The following TACC2 variants were observed in gnomAD, a reference collection of about 807,000 sequenced individuals.
TACC2 encodes transforming acidic coiled-coil containing protein 2.
Under a neutral mutation model 227.3 loss-of-function variants are expected in TACC2, and 137 were observed. The observed-to-expected ratio is 0.60, with a 90% CI of 0.52 to 0.69. The LOEUF is 0.69. Ranked by LOEUF, TACC2 falls within the 30% of genes least tolerant of loss-of-function variation. The pLI, the probability that TACC2 is intolerant of heterozygous loss-of-function variation, is 0.00. For missense variants in TACC2, 3,470 were observed against 3,694.4 expected, an observed-to-expected ratio of 0.94 and a Z score of 1.57; for synonymous variants, 1,523 against 1,487.5, an observed-to-expected ratio of 1.02 and a Z score of -0.55.
intron 2 of TACC2, among the ~76,000 whole-genome samples, chr10:122,028,794 TCCCC>T (rs1958454373): frequency 2.6e-5 from 1 of 38,954 alleles, no homozygotes; most frequent in Non-Finnish European, 4.4e-5. Flanking sequence ...TCCCCTCCCC[TCCCC>T]TCCTCTCCCC....
chr10:122,057,405 C>T (rs959589499), intron 3 of TACC2, among the ~76,000 whole-genome samples: 4 of 151,940 alleles, frequency 2.6e-5, no homozygotes, highest in African/African-American at 4.8e-5. Flanking sequence ...TGGGTGTGGG[C>T]GGAAGAGGTG....
In TACC2 at chr10:122,194,116, G is replaced by C. The variant is rs1255299343; in HGVS notation, c.5835-924G>C. On this transcript the variant is annotated intron_variant, in intron 7 of 22. Transcript: ENST00000369005. The surrounding 1 kb of genome is among the most constrained non-coding windows in gnomAD (Gnocchi z 4.4). ...ATTTTTATCTTTTTATAGAAATAGG[G>C]CCTCACTGTGTTGCCCAGGCTGGTC... is the stretch of plus-strand genomic sequence containing the variant. Among the ~76,000 whole-genome samples the C allele has an allele frequency of 6.6e-6, 1 of 152,074 alleles. No homozygotes were observed. The highest frequency in any genetic ancestry group is 2.4e-5 in the African/African-American group (1 of 41,404).
At chr10:122,192,596 T>C (rs899210871) in intron 7 of TACC2, 3 of 426,414 alleles carry the variant, frequency 7.0e-6, no homozygotes, top group African/African-American at 4.0e-5. Flanking sequence ...TTTGGTGACA[T>C]TGAAAGAGAT....
At chr10:122,039,265 C>T (rs1189327632) in intron 2 of TACC2, among the ~76,000 whole-genome samples, 4 of 152,140 alleles carry the variant, frequency 2.6e-5, no homozygotes, top group Non-Finnish European at 5.9e-5. Flanking sequence ...TGTGAGCCAC[C>T]GTGCTGGCCT....
At chr10:122,164,165 A>G (rs552768754) in intron 7 of TACC2, among the ~76,000 whole-genome samples, 2 of 152,304 alleles carry the variant, frequency 1.3e-5, no homozygotes, top group South Asian at 4.1e-4. Context: ...AGCATCTGGT[A>G]GCCCCAAGTT....
intron 8 of TACC2, among the ~76,000 whole-genome samples, chr10:122,201,086 T>C (rs12778363): frequency 5.1e-3 from 639 of 126,486 alleles, no homozygotes; most frequent in East Asian, 0.013. Context: ...CCACCTCACC[T>C]GCCCACAGTG....
chr10:122,126,871 C>G (rs1360630409), intron 5 of TACC2: 1 of 152,278 alleles, frequency 6.6e-6, no homozygotes, highest in Non-Finnish European at 1.5e-5. Flanking sequence ...ATGTTTGTAT[C>G]CCTCTCAGCC....
At chr10:122,052,700 A>C (rs1374348399) in intron 3 of TACC2, 1 of 149,902 alleles carries the variant, frequency 6.7e-6, no homozygotes, top group Non-Finnish European at 1.5e-5. Context: ...AAAAAAAAAC[A>C]AACAGGTGCC....
At chr10:122,199,946 C>G (rs1486936602) in intron 8 of TACC2, among the ~76,000 whole-genome samples, 1 of 152,210 alleles carries the variant, frequency 6.6e-6, no homozygotes, top group East Asian at 1.9e-4. Flanking sequence ...CCCCCATGAG[C>G]TCATCACCTC....
intron 3 of TACC2, among the ~76,000 whole-genome samples, chr10:122,058,331 C>T (rs1351939722): frequency 2.6e-5 from 4 of 152,146 alleles, no homozygotes; most frequent in South Asian, 2.1e-4. Flanking sequence ...TTCCGGCTTC[C>T]GCTGCAAAGC....
In TACC2 at chr10:122,084,204, AAGC is replaced by A; in HGVS notation, c.1707_1709del (p.Ser569del). ...CAAGCCCAGCCGTGGCTAAAGAAGGAAGCAGATCACCTGGTGACAGCCCTGGAG... is the reference window on the plus strand; with the variant it reads ...CAAGCCCAGCCGTGGCTAAAGAAGGAAGATCACCTGGTGACAGCCCTGGAG... On this transcript the variant is annotated inframe_deletion, in exon 4 of 23. Transcript: ENST00000369005. The A allele has an allele frequency of 6.2e-7, 1 of 1,614,104 alleles. No homozygotes were observed. Among genetic ancestry groups the A allele is most frequent in the South Asian group, 1.1e-5 (1 of 91,086 alleles).
At chr10:122,112,731 C>CAGTA (rs760642376) in intron 5 of TACC2, among the ~76,000 whole-genome samples, 1 of 152,230 alleles carries the variant, frequency 6.6e-6, no homozygotes, top group Non-Finnish European at 1.5e-5. Context: ...AAACTAAGAA[C>CAGTA]AGTAACAAGT....
At chr10:122,112,311 T>G (rs1276077972) in intron 5 of TACC2, among the ~76,000 whole-genome samples, 1 of 152,104 alleles carries the variant, frequency 6.6e-6, no homozygotes, top group Non-Finnish European at 1.5e-5. Context: ...GTGAAGGAGT[T>G]AGTTAGGCCC....
chr10:122,032,110 T>A (rs533721430), intron 2 of TACC2, among the ~76,000 whole-genome samples: 3 of 152,288 alleles, frequency 2.0e-5, no homozygotes, highest in Admixed American at 6.5e-5. Context: ...GACACTCTGA[T>A]AGCCATGTGA....
At chr10:122,046,318 CAA>C (rs2074991522) in intron 2 of TACC2, among the ~76,000 whole-genome samples, 1 of 146,764 alleles carries the variant, frequency 6.8e-6, no homozygotes. Flanking sequence ...ACTAAAAATA[CAA>C]AAAATTAGCC....
chr10:122,021,603 A>T (rs1420597459), intron 1 of TACC2, among the ~76,000 whole-genome samples: 1 of 152,174 alleles, frequency 6.6e-6, no homozygotes, highest in Non-Finnish European at 1.5e-5. Flanking sequence ...AGCATTCCTC[A>T]GGCCCTTTGG....
chr10:122,082,890 A>G lies in TACC2; in HGVS notation c.390A>G (p.Glu130=), dbSNP rs778507311. 1.2e-5 allele frequency: 20 copies of G among 1,613,342 alleles called. No homozygotes were observed. Among genetic ancestry groups the G allele is most frequent in the Non-Finnish European group, 1.7e-5 (20 of 1,180,012 alleles). The change falls in exon 4 of 23, where the codon GAA becomes GAG. Residue 130 remains glutamate, a synonymous_variant. Transcript: ENST00000369005. The stretch of plus-strand genomic sequence containing the variant: ...TGGCAAGTCCAGCAGCGGCACCTGA[A>G]GATGGTCCTCAGACTCAGTCTCCCA... ...GCLASPAAAP[E]DGPQTQSPRR... is the part of the protein sequence containing the mutation.
intron 2 of TACC2, among the ~76,000 whole-genome samples, chr10:122,043,027 C>T (rs1419050361): frequency 6.6e-6 from 1 of 152,174 alleles, no homozygotes; most frequent in Non-Finnish European, 1.5e-5. Flanking sequence ...ATTCCTATCA[C>T]CCACTGAGGT....
At chr10:122,163,677 C>G (rs2092965511) in intron 7 of TACC2, 1 of 1,062,890 alleles carries the variant, frequency 9.4e-7, no homozygotes, top group Non-Finnish European at 1.1e-6. Context: ...GCACGCCGGC[C>G]ACACTCGGGC....
Sources: gnomAD v4.1 joint callset for allele counts (sites outside exome capture counted in the v4.1 genomes callset) on GRCh38, gnomAD v4.1.1 for gene constraint, Gnocchi (gnomAD v3.1) non-coding constraint, MANE v1.5 for transcripts, NCBI Gene and HGNC (gene_info 2026-07-23, HGNC 2026-07-21) for gene names.